The following USP30 variants were observed in gnomAD, a reference collection of about 807,000 sequenced individuals.
USP30 encodes the protein ubiquitin carboxyl-terminal hydrolase 30.
A neutral mutation model predicts 68.2 loss-of-function variants in USP30; 41 were observed. The observed-to-expected ratio is 0.60, with a 90% CI of 0.47 to 0.78. USP30 has a LOEUF of 0.78. Among genes scored for constraint, USP30 ranks in the 30% least tolerant of loss-of-function variants. USP30 has a pLI of 0.00. For synonymous variants in USP30, 229 were observed against 253.7 expected, an observed-to-expected ratio of 0.90 and a Z score of 0.93; for missense variants, 522 against 649.4, an observed-to-expected ratio of 0.80 and a Z score of 2.13.
rs754224659 is a variant in USP30, at chr12:109,082,629, G to T, written c.868-34G>T. On this transcript the variant is annotated intron_variant, in intron 9 of 12. Coordinates refer to ENST00000257548, the MANE Select transcript of USP30 (RefSeq NM_032663.5). ...GCACTCCAAAGCTGTCCTATTTTAG[G>T]CATTGCTGCAGAGAAATGTTCCTTT... is the stretch of plus-strand genomic sequence containing the variant. 4.4e-6 allele frequency: 7 copies of T among 1,606,236 alleles called. No individual in the cohort carries two copies. The South Asian group carries it at 6.7e-5, about 15-fold the overall frequency.
At chr12:109,075,870 A>G (rs1455347410) in intron 7 of USP30, among the ~76,000 whole-genome samples, 1 of 137,494 alleles carries the variant, frequency 7.3e-6, no homozygotes, top group Non-Finnish European at 1.5e-5. Context: ...CTGTTGGTCC[A>G]TATGAGTTCC....
chr12:109,051,504 C>G (rs1363140623), upstream of USP30, among the ~76,000 whole-genome samples: 1 of 119,568 alleles, frequency 8.4e-6, no homozygotes, highest in Non-Finnish European at 1.7e-5. Flanking sequence ...GCAATCCGTG[C>G]CCCCCACCCC....
intron 1 of USP30, chr12:109,054,025 G>A (rs752164179): frequency 4.4e-6 from 2 of 455,998 alleles, no homozygotes; most frequent in Non-Finnish European, 8.8e-6. Flanking sequence ...GCATCTGTGG[G>A]GTTGTTTTAA....
At chr12:109,038,504 C>CT (rs932497342) in intron 3 of USP30, among the ~76,000 whole-genome samples, 66 of 151,880 alleles carry the variant, frequency 4.3e-4, no homozygotes, top group African/African-American at 1.3e-3. Context: ...GCTAGTCTAT[C>CT]TTTTTTTTGC....
At chr12:109,071,511 T>C (rs2041440574) in intron 4 of USP30, 101 bp from the exon 5 acceptor site, 1 of 934,162 alleles carries the variant, frequency 1.1e-6, no homozygotes, top group Non-Finnish European at 1.7e-6. Flanking sequence ...AGAAAGCAAA[T>C]TCTACCCACA....
At chr12:109,054,098 A>T (rs918930738) in intron 1 of USP30, 4 of 454,978 alleles carry the variant, frequency 8.8e-6, no homozygotes, top group African/African-American at 2.0e-5. Flanking sequence ...TTAGTGTTTG[A>T]TTAGGGGATT....
At chr12:109,059,627 C>T (rs1016470035) in intron 3 of USP30, among the ~76,000 whole-genome samples, 1 of 152,200 alleles carries the variant, frequency 6.6e-6, no homozygotes, top group African/African-American at 2.4e-5. Flanking sequence ...GATTCTTCTG[C>T]TTCAGCCTCC....
chr12:109,068,803 G>A (rs1319861063), intron 4 of USP30, among the ~76,000 whole-genome samples: 1 of 152,148 alleles, frequency 6.6e-6, no homozygotes, highest in Non-Finnish European at 1.5e-5. Flanking sequence ...TAGTCTGCAG[G>A]AAAAAGAGGT....
At chr12:109,055,850 G>A (rs12316216) in intron 1 of USP30, among the ~76,000 whole-genome samples, 21,764 of 150,434 alleles carry the variant, frequency 0.14, 1,727 homozygotes, top group Middle Eastern at 0.23. Flanking sequence ...AAAACATAGC[G>A]AATAGGTTAA....
chr12:109,051,771 T>C (rs569841724), upstream of USP30, among the ~76,000 whole-genome samples: 34 of 152,226 alleles, frequency 2.2e-4, no homozygotes, highest in East Asian at 4.8e-3. Context: ...GGTTTCACCA[T>C]GTTGGCCAAG....
At chr12:109,046,306 C>T (rs1267510434) in intron 3 of USP30, among the ~76,000 whole-genome samples, 1 of 151,344 alleles carries the variant, frequency 6.6e-6, no homozygotes, top group African/African-American at 2.4e-5. Context: ...GTAGAGACAG[C>T]GTTTCACCAT....
intron 3 of USP30, among the ~76,000 whole-genome samples, chr12:109,044,683 G>T (rs2040588706): frequency 6.6e-6 from 1 of 151,942 alleles, no homozygotes; most frequent in Non-Finnish European, 1.5e-5. Flanking sequence ...CAAATTTTAT[G>T]TTATATGTAC....
intron 3 of USP30, among the ~76,000 whole-genome samples, chr12:109,060,811 C>T (rs1444669902): frequency 3.3e-5 from 5 of 152,072 alleles, no homozygotes; most frequent in Non-Finnish European, 5.9e-5. Context: ...TGCCCCACCA[C>T]GCCTGGCTAG....
chr12:109,060,827 G>A (rs1011877002), intron 3 of USP30, among the ~76,000 whole-genome samples: 2 of 152,094 alleles, frequency 1.3e-5, no homozygotes, highest in African/African-American at 4.8e-5. Context: ...GCTAGTTTTT[G>A]TATTTTTAGT....
chr12:109,066,679 T>C (rs1376483696), intron 3 of USP30, among the ~76,000 whole-genome samples: 1 of 152,044 alleles, frequency 6.6e-6, no homozygotes, highest in East Asian at 1.9e-4. Context: ...AGCACGACTC[T>C]GTTTCAAAAA....
Position 109,075,334 on chromosome 12 carries a change from C to T in USP30, c.720+1802C>T, listed in dbSNP as rs537883668. 1.4e-3 allele frequency among the ~76,000 whole-genome samples: 206 copies of T among 152,244 alleles called. 3 individuals carry two copies. In the South Asian group the frequency reaches 0.023, roughly 17 times the overall value. ...AAGAGTTGCCTTCTCTCCACACCCT[C>T]GGCAACACTTGTTACGTGCTGTCTT... On this transcript the variant is annotated intron_variant, in intron 7 of 12. Transcript: ENST00000257548.
At chr12:109,026,213 C>T (rs1444450386) in intron 2 of USP30, among the ~76,000 whole-genome samples, 5 of 150,438 alleles carry the variant, frequency 3.3e-5, no homozygotes, top group African/African-American at 1.2e-4. Flanking sequence ...GTAGCTGGGA[C>T]TGCAGGCGCA....
Position 109,057,923 on chromosome 12 carries a change from TAGGGC to T in USP30, c.194-2_196del, listed in dbSNP as rs1299776311. 5 of 1,609,194 alleles carry T rather than the reference TAGGGC, an allele frequency of 3.1e-6. No homozygotes were observed. Among genetic ancestry groups the T allele is most frequent in the Admixed American group, 3.4e-5 (2 of 58,470 alleles). ...TCTCTTCTTCCCCCTGCTTTTTTTTTAGGGCTTGTGCCTGGCCTTGTTAATTTAGG... is the reference window on the plus strand; with the variant it reads ...TCTCTTCTTCCCCCTGCTTTTTTTTTTTGTGCCTGGCCTTGTTAATTTAGG... On this transcript the variant is annotated splice_acceptor_variant and coding_sequence_variant, in exon 3 of 13. Transcript: ENST00000257548. LOFTEE classifies it high-confidence loss of function.
At chr12:109,036,386 C>A (rs960575895) in intron 3 of USP30, among the ~76,000 whole-genome samples, 1 of 151,746 alleles carries the variant, frequency 6.6e-6, no homozygotes, top group African/African-American at 2.4e-5. Flanking sequence ...CTGCAACCTC[C>A]ACCTCCCAGG....
Sources: allele counts gnomAD v4.1 joint callset (sites outside exome capture counted in the v4.1 genomes callset), GRCh38; gene constraint gnomAD v4.1.1; transcripts MANE v1.5; gene names NCBI Gene and HGNC (gene_info 2026-07-23, HGNC 2026-07-21).